Variants in CDH13 observed in about 807,000 individuals in gnomAD.
CDH13 encodes the protein cadherin 13.
In CDH13, 24 loss-of-function variants were observed where a neutral mutation model predicts 63.8. The ratio of observed to expected loss-of-function variants is 0.38; its 90% CI spans 0.27 to 0.53. The LOEUF is 0.53. Among genes scored for constraint, CDH13 ranks in the 20% least tolerant of loss-of-function variants. CDH13 has a pLI of 0.85. For synonymous variants in CDH13, 503 were observed against 355.3 expected (o/e 1.42, Z -4.67); for missense variants, 1,049 against 903.1 (o/e 1.16, Z -2.07).
chr16:83,148,095 G>A (rs539174399), intron 4 of CDH13, among the ~76,000 whole-genome samples: 58 of 152,178 alleles, frequency 3.8e-4, no homozygotes, highest in African/African-American at 1.4e-3. Flanking sequence ...GCGCCACCAC[G>A]CCTGGCTAAT....
intron 7 of CDH13, among the ~76,000 whole-genome samples, chr16:83,531,255 A>C (rs11648776): frequency 0.4 from 61,357 of 152,050 alleles, 13,260 homozygotes; most frequent in East Asian, 0.59. Flanking sequence ...GCCATCCTAT[A>C]AATCCATTCA....
At chr16:82,998,113 C>G (rs575375517) in intron 2 of CDH13, among the ~76,000 whole-genome samples, 186 of 152,324 alleles carry the variant, frequency 1.2e-3, no homozygotes, top group Non-Finnish European at 1.7e-3. Context: ...CCTGTCCTTT[C>G]TATGGCTTCA....
At chr16:83,370,245 G>A (rs1053718926) in intron 6 of CDH13, among the ~76,000 whole-genome samples, 2 of 151,996 alleles carry the variant, frequency 1.3e-5, no homozygotes, top group African/African-American at 2.4e-5. Flanking sequence ...AAAATTAGCC[G>A]GGTGCGGTGG....
At chr16:83,197,917 TA>T (rs1303663466) in intron 4 of CDH13, among the ~76,000 whole-genome samples, 1 of 152,130 alleles carries the variant, frequency 6.6e-6, no homozygotes, top group Non-Finnish European at 1.5e-5. Context: ...TGTGACATTG[TA>T]CCACAGTTTA....
chr16:83,727,572 T>C (rs141188885), intron 10 of CDH13, among the ~76,000 whole-genome samples: 4 of 151,932 alleles, frequency 2.6e-5, no homozygotes, highest in Non-Finnish European at 2.9e-5. Context: ...CCTTCCCGCA[T>C]TGAGAAAGAA....
At chr16:82,935,731 A>G (rs1301992831) in intron 2 of CDH13, among the ~76,000 whole-genome samples, 1 of 152,132 alleles carries the variant, frequency 6.6e-6, no homozygotes, top group Non-Finnish European at 1.5e-5. Flanking sequence ...GTGTCATTAG[A>G]GTCTCATAGA....
At chr16:83,404,458 GA>G (rs1282829913) in intron 6 of CDH13, among the ~76,000 whole-genome samples, 11 of 152,332 alleles carry the variant, frequency 7.2e-5, no homozygotes, top group Admixed American at 7.2e-4. Flanking sequence ...CAGCTTCGCA[GA>G]ATTTTAGGAA....
At chr16:83,032,304 T>A in intron 3 of CDH13, 86 bp downstream of exon 3, 1 of 965,086 alleles carries the variant, frequency 1.0e-6, no homozygotes, top group Non-Finnish European at 1.5e-6. Context: ...TTTAATTTAT[T>A]ATGTTGGCTA....
At chr16:83,099,586 A>AGTGCTGGGATTATAGGTGTGAGCCACC in intron 3 of CDH13, among the ~76,000 whole-genome samples, 1 of 151,564 alleles carries the variant, frequency 6.6e-6, no homozygotes, top group East Asian at 1.9e-4. Context: ...AGCCTCCCAA[A>AGTGCTGGGATTATAGGTGTGAGCCACC]GTGCTGGGAT....
intron 1 of CDH13, among the ~76,000 whole-genome samples, chr16:82,821,655 A>G (rs2038004574): frequency 6.6e-6 from 1 of 152,266 alleles, no homozygotes; most frequent in African/African-American, 2.4e-5. Context: ...AACTACAAAC[A>G]TGAATCAATG....
intron 11 of CDH13, among the ~76,000 whole-genome samples, chr16:83,776,235 C>T (rs1033115369): frequency 2.6e-5 from 4 of 152,194 alleles, no homozygotes; most frequent in Admixed American, 6.5e-5. Context: ...AACGCCTTCT[C>T]ATCCATTCTA....
At chr16:82,880,681 CTTATAA>C (rs1423117802) in intron 2 of CDH13, among the ~76,000 whole-genome samples, 5 of 152,244 alleles carry the variant, frequency 3.3e-5, no homozygotes, top group South Asian at 2.1e-4. Context: ...TGAAAAACAT[CTTATAA>C]TTATAAATTA....
intron 1 of CDH13, among the ~76,000 whole-genome samples, chr16:82,795,979 T>C (rs761585483): frequency 6.6e-6 from 1 of 151,646 alleles, no homozygotes. Context: ...CAAACATTTA[T>C]TGATCTTCTA....
At chr16:82,882,431 T>C (rs951975153) in intron 2 of CDH13, among the ~76,000 whole-genome samples, 3 of 152,160 alleles carry the variant, frequency 2.0e-5, no homozygotes, top group African/African-American at 4.8e-5. Flanking sequence ...ACCACCAGCA[T>C]TGCAAACCCG....
intron 1 of CDH13, among the ~76,000 whole-genome samples, chr16:82,788,173 T>C (rs2036114592): frequency 6.6e-6 from 1 of 152,154 alleles, no homozygotes; most frequent in Non-Finnish European, 1.5e-5. Context: ...GTCTCCTTCC[T>C]AGAGAGAGAG....
In CDH13 at chr16:83,509,912, C is replaced by T. The variant is rs74034230; in HGVS notation, c.960+23257C>T. On this transcript the variant is annotated intron_variant, in intron 7 of 13. Transcript: ENST00000567109. ...GGTAGATGACTGGCTCAAGGTCACACAGCTACCAGCTGGCCAGGTGGCAAG... is the reference window on the plus strand; with the variant it reads ...GGTAGATGACTGGCTCAAGGTCACATAGCTACCAGCTGGCCAGGTGGCAAG... Among the ~76,000 whole-genome samples, 899 of 152,296 alleles carry T rather than the reference C, an allele frequency of 5.9e-3. 8 individuals are homozygous for T. Among genetic ancestry groups the T allele is most frequent in the African/African-American group, 0.02 (842 of 41,548 alleles).
At chr16:83,503,229 T>C (rs1407398066) in intron 7 of CDH13, among the ~76,000 whole-genome samples, 3 of 152,238 alleles carry the variant, frequency 2.0e-5, no homozygotes, top group Non-Finnish European at 4.4e-5. Context: ...GTACCCTTTT[T>C]TCCCCTCCCA....
chr16:83,098,970 G>T (rs567058326), intron 3 of CDH13, among the ~76,000 whole-genome samples: 5 of 152,206 alleles, frequency 3.3e-5, no homozygotes, highest in South Asian at 2.1e-4. Flanking sequence ...TGTCATGACA[G>T]AATGCACTTT....
intron 5 of CDH13, among the ~76,000 whole-genome samples, chr16:83,226,115 C>T (rs1241584874): frequency 6.6e-6 from 1 of 152,208 alleles, no homozygotes; most frequent in African/African-American, 2.4e-5. Context: ...GGTTTGTTCA[C>T]AGCCCCTCCC....
Sources: allele counts gnomAD v4.1 joint callset (sites outside exome capture counted in the v4.1 genomes callset), GRCh38; gene constraint gnomAD v4.1.1; transcripts MANE v1.5; gene names NCBI Gene and HGNC (gene_info 2026-07-23, HGNC 2026-07-21).